The following FGD4 variants were observed in gnomAD, a reference collection of about 807,000 sequenced individuals.
FGD4 encodes the protein FYVE, RhoGEF and PH domain-containing protein 4.
In FGD4, 42 loss-of-function variants were observed where a neutral mutation model predicts 102.0. The ratio of observed to expected loss-of-function variants is 0.41; its 90% confidence interval spans 0.32 to 0.53. The LOEUF is 0.53. Ranked by LOEUF, FGD4 falls within the 20% of genes least tolerant of loss-of-function variation. The pLI, the probability that FGD4 is intolerant of heterozygous loss-of-function variation, is 0.21. For missense variants in FGD4, 902 were observed against 1,078.2 expected, an observed-to-expected ratio of 0.84 and a Z score of 2.29; for synonymous variants, 380 against 375.7, an observed-to-expected ratio of 1.01 and a Z score of -0.13.
At chr12:32,523,800 C>T (rs1940802603) in intron 1 of FGD4, among the ~76,000 whole-genome samples, 1 of 151,190 alleles carries the variant, frequency 6.6e-6, no homozygotes, top group Admixed American at 6.6e-5. Flanking sequence ...CGGTGAAACC[C>T]CGACTCTGCT....
intron 1 of FGD4, among the ~76,000 whole-genome samples, chr12:32,529,846 AAAAAAAAAAATTT>A (rs1264925810): frequency 2.4e-4 from 36 of 150,100 alleles, no homozygotes; most frequent in African/African-American, 8.8e-4. Flanking sequence ...CTGTCTAAAA[AAAAAAAAAAATTT>A]AAAAAAAAAA....
intron 13 of FGD4, 151 bp downstream of exon 13, chr12:32,625,219 A>G (rs1016649701): frequency 1.6e-6 from 1 of 615,184 alleles, no homozygotes; most frequent in Non-Finnish European, 2.9e-6. Context: ...GATGAACACA[A>G]TAGTGAGTGA....
intron 9 of FGD4, 88 bp from the exon 10 acceptor site, chr12:32,611,049 A>C (rs1359831531): frequency 1.2e-5 from 18 of 1,517,886 alleles, no homozygotes; most frequent in Non-Finnish European, 1.5e-5. Flanking sequence ...ATCCCTTCTA[A>C]ATTTAGATTT....
At position 32,440,925 on chromosome 12, in the gene FGD4, C is replaced by T. The variant is rs183446917; in HGVS notation, c.166+40966C>T. On this transcript the variant is annotated intron_variant, in intron 1 of 16. Coordinates refer to ENST00000534526, the MANE Select transcript of FGD4 (RefSeq NM_001370298.3). ...GCAGAAGAGCCTCATCCCATAGCCA[C>T]TGCCACCCCTTGCCACAAAGAGTAC... is the stretch of plus-strand genomic sequence containing the variant. Among the ~76,000 whole-genome samples the T allele has an allele frequency of 1.1e-3, 171 of 152,338 alleles. 1 individual carries two copies. Among genetic ancestry groups the T allele is most frequent in the African/African-American group, 3.9e-3 (161 of 41,580 alleles).
At chr12:32,447,531 T>A (rs1942653405) in intron 1 of FGD4, among the ~76,000 whole-genome samples, 3 of 152,218 alleles carry the variant, frequency 2.0e-5, no homozygotes, top group Admixed American at 2.0e-4. Context: ...GTGACACAGT[T>A]ATAATATTTA....
At chr12:32,586,668 G>T (rs1469236572) in intron 4 of FGD4, among the ~76,000 whole-genome samples, 8 of 152,114 alleles carry the variant, frequency 5.3e-5, no homozygotes, top group Admixed American at 5.2e-4. Flanking sequence ...GAGATGAAGG[G>T]GGCCTGGATG....
chr12:32,459,638 A>G (rs1943046375), intron 1 of FGD4, among the ~76,000 whole-genome samples: 1 of 152,226 alleles, frequency 6.6e-6, no homozygotes, highest in African/African-American at 2.4e-5. Flanking sequence ...TAAAAACTTA[A>G]AAAAGATTTG....
intron 7 of FGD4, among the ~76,000 whole-genome samples, chr12:32,606,963 G>T (rs191079692): frequency 7.9e-5 from 12 of 152,208 alleles, no homozygotes; most frequent in African/African-American, 2.6e-4. Flanking sequence ...TCTTCTATAT[G>T]GAGTCTTTTT....
intron 1 of FGD4, among the ~76,000 whole-genome samples, chr12:32,487,040 A>G (rs2136562254): frequency 6.6e-6 from 1 of 152,320 alleles, no homozygotes; most frequent in African/African-American, 2.4e-5. Context: ...TCAGGCTACT[A>G]AAAATTCTCA....
intron 1 of FGD4, among the ~76,000 whole-genome samples, chr12:32,477,736 T>C (rs1349588625): frequency 6.6e-6 from 1 of 152,212 alleles, no homozygotes; most frequent in Non-Finnish European, 1.5e-5. Flanking sequence ...AGATGCTCTT[T>C]AAGAGTTGTG....
intron 1 of FGD4, among the ~76,000 whole-genome samples, chr12:32,520,832 C>A (rs1940467571): frequency 6.6e-6 from 1 of 152,042 alleles, no homozygotes. Flanking sequence ...GGGATGCATG[C>A]CCAGGATTTA....
At position 32,640,492 on chromosome 12, in the gene FGD4, T is replaced by C. The variant is rs1163969661; in HGVS notation, c.2671T>C (p.Leu891=). The change falls in exon 17 of 17, where the codon TTG becomes CTG. Residue 891 remains leucine, a synonymous_variant. Transcript: ENST00000534526. ...TGGTCCAAATGAGCATCCAGCCACC[T>C]TGGATGATCATCCTGAACCTAAGAA... The part of the protein sequence containing the change: ...PGGPNEHPAT[L]DDHPEPKKKS... 2 of 1,614,046 alleles carry C rather than the reference T, an allele frequency of 1.2e-6. No homozygotes were observed. Among genetic ancestry groups the C allele is most frequent in the Non-Finnish European group, 1.7e-6 (2 of 1,180,028 alleles).
At chr12:32,413,574 G>T (rs1941290428) in intron 1 of FGD4, among the ~76,000 whole-genome samples, 1 of 152,144 alleles carries the variant, frequency 6.6e-6, no homozygotes, top group Non-Finnish European at 1.5e-5. Flanking sequence ...ATGCATCTTT[G>T]GGGAAAACTG....
chr12:32,520,193 A>G (rs1940354246), intron 1 of FGD4, among the ~76,000 whole-genome samples: 1 of 152,210 alleles, frequency 6.6e-6, no homozygotes, highest in Admixed American at 6.5e-5. Flanking sequence ...CATTGAAACT[A>G]AGTATGGAAG....
intron 1 of FGD4, among the ~76,000 whole-genome samples, chr12:32,468,756 T>C (rs1447675077): frequency 6.6e-6 from 1 of 152,180 alleles, no homozygotes; most frequent in African/African-American, 2.4e-5. Context: ...AGAAAAGATA[T>C]TGTAACCATG....
At chr12:32,421,468 G>A (rs1481441043) in intron 1 of FGD4, among the ~76,000 whole-genome samples, 1 of 152,126 alleles carries the variant, frequency 6.6e-6, no homozygotes, top group Non-Finnish European at 1.5e-5. Flanking sequence ...GAGCATGCTG[G>A]TCTGTAGGAT....
rs137914722 is a variant in FGD4 at position 32,526,479 on chromosome 12, T to C, written c.167-37658T>C. Among the ~76,000 whole-genome samples, 1,198 of 152,272 alleles carry C rather than the reference T, an allele frequency of 7.9e-3. 13 individuals carry two copies. Among genetic ancestry groups the C allele is most frequent in the African/African-American group, 0.027 (1,133 of 41,554 alleles). On this transcript the variant is annotated intron_variant, in intron 1 of 16. Transcript: ENST00000534526. ...CTGTATCTAACTAATCTGATGGGGATGTGGAGAACCTTTGTATCTAGCTCA... is the reference window on the plus strand; with the variant it reads ...CTGTATCTAACTAATCTGATGGGGACGTGGAGAACCTTTGTATCTAGCTCA...
intron 1 of FGD4, among the ~76,000 whole-genome samples, chr12:32,469,674 T>C (rs1943363454): frequency 6.6e-6 from 1 of 151,206 alleles, no homozygotes. Context: ...TTGTTTTTTT[T>C]TTGAGACGGA....
chr12:32,469,347 C>T (rs536843515), intron 1 of FGD4, among the ~76,000 whole-genome samples: 22 of 152,074 alleles, frequency 1.4e-4, no homozygotes, highest in African/African-American at 3.6e-4. Flanking sequence ...GGCGCAATCT[C>T]GGCTCACTGC....
Sources: allele counts gnomAD v4.1 joint callset (sites outside exome capture counted in the v4.1 genomes callset), GRCh38; gene constraint gnomAD v4.1.1; transcripts MANE v1.5; gene names NCBI Gene and HGNC (gene_info 2026-07-23, HGNC 2026-07-21).